The following SGIP1 variants were observed in gnomAD, a reference collection of about 807,000 sequenced individuals.
SGIP1 encodes SH3-containing GRB2-like protein 3-interacting protein 1.
A neutral mutation model predicts 107.5 loss-of-function variants in SGIP1; 38 were observed. The observed-to-expected ratio is 0.35, with a 90% confidence interval of 0.27 to 0.46. The LOEUF (loss-of-function observed/expected upper bound fraction) is 0.46, where lower values mean the gene tolerates loss of function less well. Ranked by LOEUF, SGIP1 falls within the 20% of genes least tolerant of loss-of-function variation. SGIP1 has a pLI of 1.00. For synonymous variants in SGIP1, 365 were observed against 366.1 expected, an observed-to-expected ratio of 1.00 and a Z score of 0.03; for missense variants, 929 against 1,019.5, an observed-to-expected ratio of 0.91 and a Z score of 1.21.
At chr1:66,741,798 C>T (rs2094453663) in intron 24 of SGIP1, among the ~76,000 whole-genome samples, 1 of 151,168 alleles carries the variant, frequency 6.6e-6, no homozygotes, top group Non-Finnish European at 1.5e-5. Flanking sequence ...GACGGAGTCT[C>T]TCTCTATTGC....
intron 9 of SGIP1, among the ~76,000 whole-genome samples, chr1:66,670,775 C>G (rs1327404696): frequency 2.6e-5 from 4 of 152,022 alleles, no homozygotes. Flanking sequence ...AGAAGACTTA[C>G]GATTTACCCT....
Position 66,682,061 on chromosome 1 carries a change from C to T in SGIP1, c.1007C>T (p.Pro336Leu), listed in dbSNP as rs2086842383. The T allele has an allele frequency of 6.2e-7, 1 of 1,614,192 alleles. No individual in the cohort carries two copies. The highest frequency in any genetic ancestry group is 2.2e-5 in the East Asian group (1 of 44,868). The change falls in exon 15 of 25, where the codon CCA (proline) becomes CTA (leucine). Residue 336 changes from proline to leucine, a missense_variant. Around this residue, in one of 2 missense-constraint regions of SGIP1, gnomAD observed 588 missense variants for 588.6 expected, o/e 1.00. Transcript: ENST00000371037. ...ACTCCAAGGGAAAAAGTGGTGTCCC[C>T]ACCAGCTACACCAGACAACCCAGCT... ...ELTPREKVVS[P>L]PATPDNPADS...
chr1:66,569,627 T>A (rs1016442611), intron 1 of SGIP1, among the ~76,000 whole-genome samples: 1 of 151,884 alleles, frequency 6.6e-6, no homozygotes, highest in African/African-American at 2.4e-5. Context: ...AATTTTTTTA[T>A]ACATTGTTGG....
At chr1:66,577,019 C>G (rs1327111072) in intron 1 of SGIP1, among the ~76,000 whole-genome samples, 1 of 152,094 alleles carries the variant, frequency 6.6e-6, no homozygotes, top group African/African-American at 2.4e-5. Context: ...TGATGTTGTT[C>G]TGTTTTGTTT....
chr1:66,660,507 T>A lies in SGIP1; in HGVS notation c.460-6T>A. 6.2e-7 allele frequency: 1 copy of A among 1,610,400 alleles called. No homozygotes were observed. The highest frequency in any genetic ancestry group is 8.5e-7 in the Non-Finnish European group (1 of 1,176,704). ...TTATTCTTCCTCCCCATGCCTACGCTTTTAGAGGAAAAGTCCGGTAAGAAA... is the reference window on the plus strand; with the variant it reads ...TTATTCTTCCTCCCCATGCCTACGCATTTAGAGGAAAAGTCCGGTAAGAAA... On this transcript the variant is annotated splice_region_variant and splice_polypyrimidine_tract_variant and intron_variant, in intron 7 of 24. Transcript: ENST00000371037.
intron 15 of SGIP1, among the ~76,000 whole-genome samples, chr1:66,682,622 A>C (rs1204335150): frequency 6.6e-6 from 1 of 152,080 alleles, no homozygotes; most frequent in East Asian, 1.9e-4. Flanking sequence ...TGCAGTTAAG[A>C]GGTCTTGATT....
chr1:66,651,210 A>T (rs1213015611), intron 7 of SGIP1, among the ~76,000 whole-genome samples: 1 of 152,228 alleles, frequency 6.6e-6, no homozygotes, highest in African/African-American at 2.4e-5. Flanking sequence ...TTGAGAACTT[A>T]TCATGGTGAT....
At chr1:66,661,066 C>A (rs928272957) in intron 8 of SGIP1, among the ~76,000 whole-genome samples, 2 of 152,074 alleles carry the variant, frequency 1.3e-5, no homozygotes, top group Admixed American at 1.3e-4. Context: ...TGTAAATTAC[C>A]TCCTGGATGT....
intron 1 of SGIP1, among the ~76,000 whole-genome samples, chr1:66,534,836 G>T (rs938061152): frequency 1.3e-5 from 2 of 152,152 alleles, no homozygotes; most frequent in Non-Finnish European, 2.9e-5. Flanking sequence ...TTCTCATAAG[G>T]TATTTTTATC....
chr1:66,566,350 C>T (rs999070357), intron 1 of SGIP1, among the ~76,000 whole-genome samples: 7 of 151,962 alleles, frequency 4.6e-5, no homozygotes, highest in Admixed American at 3.9e-4. Flanking sequence ...GTTTCAGAGA[C>T]TAATAACAAC....
intron 4 of SGIP1, among the ~76,000 whole-genome samples, chr1:66,636,512 G>A (rs2075807987): frequency 6.6e-6 from 1 of 152,144 alleles, no homozygotes; most frequent in African/African-American, 2.4e-5. Context: ...TGTACATTAT[G>A]GTAGCCACAT....
At chr1:66,548,771 T>C (rs988282307) in intron 1 of SGIP1, among the ~76,000 whole-genome samples, 2 of 152,164 alleles carry the variant, frequency 1.3e-5, no homozygotes, top group Admixed American at 6.5e-5. Flanking sequence ...AAAGATTTTG[T>C]GTCCTCTCTG....
chr1:66,722,983 T>C (rs2093609484), intron 19 of SGIP1, among the ~76,000 whole-genome samples: 1 of 152,220 alleles, frequency 6.6e-6, no homozygotes. Context: ...TTGCCATAAA[T>C]AGTTGTAGGA....
intron 2 of SGIP1, among the ~76,000 whole-genome samples, chr1:66,630,839 GAAAGAAAGAAAGAA>G (rs2074176472): frequency 1.0e-4 from 1 of 9,754 alleles, no homozygotes; most frequent in African/African-American, 7.2e-4. Context: ...AAGAAAGAAA[GAAAGAAAGAAAGAA>G]AGAAAGAAAG....
chr1:66,536,862 A>G (rs556401555), intron 1 of SGIP1, among the ~76,000 whole-genome samples: 1 of 152,168 alleles, frequency 6.6e-6, no homozygotes, highest in East Asian at 1.9e-4. Flanking sequence ...CTATATTGCT[A>G]AAGTGTTTTA....
intron 8 of SGIP1, among the ~76,000 whole-genome samples, chr1:66,663,216 C>T (rs2081896585): frequency 6.6e-6 from 1 of 152,112 alleles, no homozygotes; most frequent in Non-Finnish European, 1.5e-5. Context: ...CCAGCACCCC[C>T]TCCCCATCCC....
Position 66,719,375 on chromosome 1 carries a change from A to G in SGIP1, c.1712A>G (p.Asn571Ser), listed in dbSNP as rs1438043999. The G allele has an allele frequency of 6.2e-7, 1 of 1,613,518 alleles. No homozygotes were observed. The change falls in exon 19 of 25, where the codon AAT becomes AGT. Residue 571 changes from asparagine (N) to serine (S), a missense_variant. Coordinates refer to ENST00000371037, the MANE Select transcript of SGIP1 (RefSeq NM_032291.4). The stretch of plus-strand genomic sequence containing the variant: ...GCAGCAGCATTTACAGAAACAGTCA[A>G]TGCCTATTTCAAAGGAGCAGACCCA... Reference protein sequence around the residue: ...PVAAAFTETVNAYFKGADPSK... With the variant: ...PVAAAFTETVSAYFKGADPSK...
chr1:66,590,030 T>A (rs919536334), intron 1 of SGIP1, among the ~76,000 whole-genome samples: 22 of 152,158 alleles, frequency 1.4e-4, no homozygotes, highest in African/African-American at 5.1e-4. Flanking sequence ...AGGATTAGAC[T>A]AAGACCTCAA....
intron 1 of SGIP1, among the ~76,000 whole-genome samples, chr1:66,537,552 C>A (rs1315419074): frequency 2.0e-5 from 3 of 151,990 alleles, no homozygotes; most frequent in Non-Finnish European, 2.9e-5. Context: ...TCACGTAGGC[C>A]CAACTGAAGG....
Sources: gnomAD v4.1 joint callset for allele counts (sites outside exome capture counted in the v4.1 genomes callset) on GRCh38, gnomAD v4.1.1 for gene constraint, gnomAD v4.1.1 regional missense constraint, MANE v1.5 for transcripts, NCBI Gene and HGNC (gene_info 2026-07-23, HGNC 2026-07-21) for gene names.